TG: variants seen among roughly 807,000 people sequenced by gnomAD.
TG encodes thyroid hormones.
Under a neutral mutation model 324.7 loss-of-function variants are expected in TG, and 270 were observed. That is an observed-to-expected ratio of 0.83 (90% CI 0.75 to 0.92). The LOEUF is 0.92. TG is among the 40% of genes least tolerant of loss of function. TG has a pLI of 0.00. For missense variants in TG, 3,591 were observed against 3,456.4 expected (o/e 1.04, Z -0.98); for synonymous variants, 1,401 against 1,327.0 (o/e 1.06, Z -1.21).
intron 21 of TG, among the ~76,000 whole-genome samples, chr8:132,922,859 C>G (rs1042513459): frequency 1.7e-4 from 26 of 152,208 alleles, no homozygotes; most frequent in African/African-American, 6.3e-4. Flanking sequence ...AAGGCACCAC[C>G]TGCTAATACC....
At chr8:133,027,260 G>T (rs887332145) in intron 40 of TG, among the ~76,000 whole-genome samples, 1 of 152,246 alleles carries the variant, frequency 6.6e-6, no homozygotes, top group African/African-American at 2.4e-5. Context: ...GCTCTGAGCA[G>T]AGGAGTAGGA....
intron 45 of TG, among the ~76,000 whole-genome samples, chr8:133,119,014 A>G (rs1292521588): frequency 6.6e-6 from 1 of 152,192 alleles, no homozygotes; most frequent in Admixed American, 6.5e-5. Flanking sequence ...GCCACAAGGA[A>G]GGAATGCCAG....
rs544828083 is a variant in TG, at chr8:133,123,520, G to T, written c.7862+6804G>T. ...TTTCAAGGCACCACCTGCTTATTCT[G>T]CTGGGATCCTTCCCTCCCTGCCCGT... On this transcript the variant is annotated intron_variant, in intron 45 of 47. Coordinates refer to ENST00000220616, the MANE Select transcript of TG (RefSeq NM_003235.5). Among the ~76,000 whole-genome samples, 15 of 152,218 alleles carry T rather than the reference G, an allele frequency of 9.9e-5. 1 individual carries two copies. Among genetic ancestry groups the T allele is most frequent in the Admixed American group, 5.9e-4 (9 of 15,288 alleles).
At chr8:132,964,068 G>A (rs10091983) in intron 29 of TG, among the ~76,000 whole-genome samples, 7,416 of 151,846 alleles carry the variant, frequency 0.049, 526 homozygotes, top group African/African-American at 0.16. Flanking sequence ...TTGATCAGGC[G>A]TTGTGTTTGT....
chr8:132,967,382 A>G (rs1013772034), intron 30 of TG, among the ~76,000 whole-genome samples: 2 of 152,230 alleles, frequency 1.3e-5, no homozygotes, highest in Admixed American at 6.5e-5. Context: ...GAGCTCATAT[A>G]TACCAGGGGC....
At position 132,933,651 on chromosome 8, in the gene TG, A is replaced by G. The variant is rs758183389; in HGVS notation, c.4907A>G (p.Asn1636Ser). 4.3e-6 allele frequency: 7 copies of G among 1,614,132 alleles called. No homozygotes were observed. The Admixed American group carries it at 1.0e-4, about 23-fold the overall frequency. Reference sequence around the variant, plus strand: ...GATTTCTATGCTTGGACAAGTGACAATGTTGCCTGCATGACTTCTGACCAG... The same window carrying G: ...GATTTCTATGCTTGGACAAGTGACAGTGTTGCCTGCATGACTTCTGACCAG... Reference protein sequence around the residue: ...SCDFYAWTSDNVACMTSDQKR... With the variant: ...SCDFYAWTSDSVACMTSDQKR... Residue 1636 changes from asparagine to serine, a missense_variant, in exon 24 of 48, where the codon AAT becomes AGT. Transcript: ENST00000220616.
chr8:132,967,397 G>C (rs1221798190), intron 30 of TG, among the ~76,000 whole-genome samples: 1 of 152,198 alleles, frequency 6.6e-6, no homozygotes, highest in Non-Finnish European at 1.5e-5. Flanking sequence ...AGGGGCACAG[G>C]CTGACTTGGG....
intron 21 of TG, among the ~76,000 whole-genome samples, chr8:132,922,324 T>C (rs1460986093): frequency 6.6e-6 from 1 of 151,100 alleles, no homozygotes; most frequent in African/African-American, 2.5e-5. Flanking sequence ...TGGATTTGAC[T>C]AGCATTTATT....
At chr8:132,966,984 TCATC>T (rs755386970) in intron 30 of TG, among the ~76,000 whole-genome samples, 2 of 144,312 alleles carry the variant, frequency 1.4e-5, no homozygotes, top group Non-Finnish European at 3.0e-5. Context: ...TCCATCCCAT[TCATC>T]CATCCATCTA....
chr8:132,961,562 G>A (rs965991314), intron 28 of TG, among the ~76,000 whole-genome samples: 2 of 152,160 alleles, frequency 1.3e-5, no homozygotes, highest in African/African-American at 2.4e-5. Flanking sequence ...TGTATGCTTG[G>A]CACTTCCCTT....
chr8:133,106,792 G>T (rs1394474659), intron 43 of TG, among the ~76,000 whole-genome samples: 1 of 152,168 alleles, frequency 6.6e-6, no homozygotes, highest in Non-Finnish European at 1.5e-5. Flanking sequence ...TATATTGTCA[G>T]CCTGTCTCAC....
rs1469876400 is a variant in TG, at chr8:133,096,310, G to C, written c.7509G>C (p.Glu2503Asp). The C allele has an allele frequency of 1.9e-6, 3 of 1,614,192 alleles. No individual in the cohort carries two copies. In the African/African-American group the frequency reaches 4.0e-5, roughly 22 times the overall value. Residue 2503 changes from glutamate to aspartate, a missense_variant, in exon 43 of 48, where the codon GAG becomes GAC. Transcript: ENST00000220616. ...CACTGAAGAGGTCTTTATGGGTAGA[G>C]GTCGATCTGCTCATTGGGAGTTCTC... Reference protein sequence around the residue: ...ARALKRSLWVEVDLLIGSSQD... With the variant: ...ARALKRSLWVDVDLLIGSSQD...
chr8:132,894,494 T>C (rs1816824661), intron 11 of TG, among the ~76,000 whole-genome samples: 1 of 151,696 alleles, frequency 6.6e-6, no homozygotes, highest in Non-Finnish European at 1.5e-5. Context: ...AGTCTTGCTC[T>C]GTCACCCAGG....
intron 31 of TG, 127 bp from the exon 32 acceptor site, chr8:132,969,331 T>C (rs1359306136): frequency 6.9e-6 from 5 of 723,138 alleles, no homozygotes; most frequent in Non-Finnish European, 1.2e-5. Context: ...GGAAATGAGG[T>C]TTAATATGAA....
intron 22 of TG, among the ~76,000 whole-genome samples, chr8:132,926,597 T>C (rs986508520): frequency 6.6e-6 from 1 of 152,202 alleles, no homozygotes; most frequent in African/African-American, 2.4e-5. Context: ...TTTGAAACTA[T>C]TTCCTAAAGG....
rs139181984 is a variant in TG at position 133,092,884 on chromosome 8, G to A, written c.7240-2160G>A. On this transcript the variant is annotated intron_variant, in intron 41 of 47. Coordinates refer to ENST00000220616, the MANE Select transcript of TG (RefSeq NM_003235.5). ...GATCAATTTAAACAAAATACTTTAA[G>A]AGAAAGAAACATTCTCTTAGCCATC... is the stretch of plus-strand genomic sequence containing the variant. Among the ~76,000 whole-genome samples the A allele has an allele frequency of 1.2e-3, 177 of 152,324 alleles. 1 individual carries two copies. Among genetic ancestry groups the A allele is most frequent in the Non-Finnish European group, 9.4e-4 (64 of 68,028 alleles).
chr8:133,072,406 A>G (rs906892487), intron 41 of TG, among the ~76,000 whole-genome samples: 3 of 152,200 alleles, frequency 2.0e-5, no homozygotes, highest in Non-Finnish European at 2.9e-5. Flanking sequence ...TGTGACCTCA[A>G]TGGATATTTT....
At chr8:133,020,728 A>G (rs1835483146) in intron 39 of TG, among the ~76,000 whole-genome samples, 1 of 152,188 alleles carries the variant, frequency 6.6e-6, no homozygotes, top group African/African-American at 2.4e-5. Flanking sequence ...GAGTGACTCC[A>G]CTGCTCTGAA....
intron 27 of TG, among the ~76,000 whole-genome samples, chr8:132,951,858 A>G (rs1223581618): frequency 1.3e-5 from 2 of 152,184 alleles, no homozygotes; most frequent in African/African-American, 4.8e-5. Context: ...AATTCTAACT[A>G]CAGCGTGAAG....
Sources: allele counts gnomAD v4.1 joint callset (sites outside exome capture counted in the v4.1 genomes callset), GRCh38; gene constraint gnomAD v4.1.1; transcripts MANE v1.5; gene names NCBI Gene and HGNC (gene_info 2026-07-23, HGNC 2026-07-21).